Variants in USP6NL observed in about 807,000 individuals in gnomAD.
USP6NL encodes USP6 N-terminal like, also known as USP6 N-terminal-like protein.
In USP6NL, 26 loss-of-function variants were observed where a neutral mutation model predicts 61.9. The ratio of observed to expected loss-of-function variants is 0.42; its 90% CI spans 0.31 to 0.58. The LOEUF is 0.58. Ranked by LOEUF, USP6NL falls within the 20% of genes least tolerant of loss-of-function variation. The pLI is 0.16. For missense variants in USP6NL, 1,114 were observed against 1,034.3 expected (o/e 1.08, Z -1.06); for synonymous variants, 432 against 390.1 (o/e 1.11, Z -1.27).
chr10:11,511,683 G>A lies in USP6NL; in HGVS notation c.196-2008C>T, dbSNP rs1422447058. ...TAAAAGCACACTTTTGAATTCTAAT[G>A]CTTATCATATATACAGATTATTTTA... On this transcript the variant is annotated intron_variant, in intron 5 of 14. Coordinates refer to ENST00000609104, the MANE Select transcript of USP6NL (RefSeq NM_014688.5). This position sits in a 1 kb window ranked among gnomAD's most constrained non-coding sequence, Gnocchi z 4.9. 6.6e-6 allele frequency among the ~76,000 whole-genome samples: 1 copy of A among 151,920 alleles called. No homozygotes were observed. The highest frequency in any genetic ancestry group is 1.9e-4 in the East Asian group (1 of 5,198).
Position 11,513,531 on chromosome 10 carries a change from A to G in USP6NL, c.196-3856T>C, listed in dbSNP as rs895167055. ...AAGTTGAGAGAATAGTATGTCACAT[A>G]CTTATAAATGCTTCATGAGACCCAC... On this transcript the variant is annotated intron_variant, in intron 5 of 14. Transcript: ENST00000609104. The surrounding 1 kb of genome is among the most constrained non-coding windows in gnomAD (Gnocchi z 4.7). Among the ~76,000 whole-genome samples the G allele has an allele frequency of 1.3e-5, 2 of 152,242 alleles. No individual in the cohort carries two copies. The highest frequency in any genetic ancestry group is 6.5e-5 in the Admixed American group (1 of 15,282).
chr10:11,519,089 T>C (rs1835093452), intron 4 of USP6NL, among the ~76,000 whole-genome samples: 2 of 148,682 alleles, frequency 1.3e-5, no homozygotes, highest in South Asian at 4.2e-4. Flanking sequence ...GATGTTGTAG[T>C]ACAAAAGCAA....
rs556013016 is a variant in USP6NL at position 11,518,661 on chromosome 10, A to G, written c.156-87T>C. The G allele has an allele frequency of 2.0e-6, 2 of 983,948 alleles. No homozygotes were observed. The highest frequency in any genetic ancestry group is 3.1e-6 in the Non-Finnish European group (2 of 640,422). The allele number at this position is 983,948 out of a possible 1,614,324, so 61.0% of individuals were successfully genotyped here. On this transcript the variant is annotated intron_variant, in intron 4 of 14. Transcript: ENST00000609104. The surrounding 1 kb of genome is among the most constrained non-coding windows in gnomAD (Gnocchi z 5.3). ...ATATACTTATAGATACATATGACAT[A>G]CAATATTTATTTGTCATCACAAGAG... is the stretch of plus-strand genomic sequence containing the variant.
At chr10:11,529,846 G>A (rs12244001) in intron 2 of USP6NL, among the ~76,000 whole-genome samples, 7 of 152,106 alleles carry the variant, frequency 4.6e-5, no homozygotes, top group Non-Finnish European at 7.4e-5. Context: ...GCTGGGTGTG[G>A]TGGCTCACTC....
chr10:11,498,308 C>T (rs1223613670), intron 7 of USP6NL, among the ~76,000 whole-genome samples: 2 of 144,374 alleles, frequency 1.4e-5, no homozygotes, highest in Non-Finnish European at 3.0e-5. Context: ...CTGAGCCACA[C>T]TAAGGCTGTG....
At position 11,518,873 on chromosome 10, in the gene USP6NL, C is replaced by A. The variant is rs1360578332; in HGVS notation, c.156-299G>T. ...AACACTGAGTTAGTCTCACTAGGCACAGTTCAAGTGCATGAATGTCACGTA... is the reference window on the plus strand; with the variant it reads ...AACACTGAGTTAGTCTCACTAGGCAAAGTTCAAGTGCATGAATGTCACGTA... On this transcript the variant is annotated intron_variant, in intron 4 of 14. Transcript: ENST00000609104. The surrounding 1 kb of genome is among the most constrained non-coding windows in gnomAD (Gnocchi z 5.3). Among the ~76,000 whole-genome samples, 2 of 152,176 alleles carry A rather than the reference C, an allele frequency of 1.3e-5. No homozygotes were observed. The highest frequency in any genetic ancestry group is 2.9e-5 in the Non-Finnish European group (2 of 68,030).
Position 11,562,704 on chromosome 10 carries a change from A to G in USP6NL, c.4+34927T>C. ...TGTATTTCTGTAACTTGTCTATTTT[A>G]TCTGCCAAATTTTCACTTGTTTCTT... On this transcript the variant is annotated intron_variant, in intron 2 of 14. Transcript: ENST00000609104. The surrounding 1 kb of genome is among the most constrained non-coding windows in gnomAD (Gnocchi z 4.8). The G allele has an allele frequency of 1.0e-6, 1 of 985,456 alleles. No homozygotes were observed. Among genetic ancestry groups the G allele is most frequent in the Non-Finnish European group, 1.2e-6 (1 of 829,928 alleles). 61.0% of individuals were successfully genotyped at this position (985,456 alleles called of 1,614,324 possible).
At position 11,562,476 on chromosome 10, in the gene USP6NL, T is replaced by C; in HGVS notation, c.5-34909A>G. The C allele has an allele frequency of 1.0e-6, 1 of 985,352 alleles. No individual in the cohort carries two copies. The highest frequency in any genetic ancestry group is 1.2e-6 in the Non-Finnish European group (1 of 829,922). 61.0% of individuals were successfully genotyped at this position (985,352 alleles called of 1,614,324 possible). On this transcript the variant is annotated intron_variant, in intron 2 of 14. Coordinates refer to ENST00000609104, the MANE Select transcript of USP6NL (RefSeq NM_014688.5). The surrounding 1 kb of genome is among the most constrained non-coding windows in gnomAD (Gnocchi z 4.8). ...CATCACGTATCTCTGAGGACAAGGATTAAGTGTGGCTGAGGAGAAACGTGA... is the reference window on the plus strand; with the variant it reads ...CATCACGTATCTCTGAGGACAAGGACTAAGTGTGGCTGAGGAGAAACGTGA...
chr10:11,568,996 T>C (rs1463819299), intron 2 of USP6NL, among the ~76,000 whole-genome samples: 1 of 152,214 alleles, frequency 6.6e-6, no homozygotes, highest in Non-Finnish European at 1.5e-5. Context: ...CAATGAACAC[T>C]GTCTGTCACA....
chr10:11,563,946 G>C (rs904206116), intron 2 of USP6NL: 4 of 152,074 alleles, frequency 2.6e-5, no homozygotes, highest in African/African-American at 7.3e-5. Flanking sequence ...GAAAGATAAG[G>C]GCTTTCTCAC....
chr10:11,590,480 T>C (rs1838127357), intron 2 of USP6NL, among the ~76,000 whole-genome samples: 1 of 152,216 alleles, frequency 6.6e-6, no homozygotes, highest in African/African-American at 2.4e-5. Flanking sequence ...ATGTGGAATT[T>C]TATTCAGACC....
rs969756644 is a variant in USP6NL, at chr10:11,470,960, C to A, written c.1079-7111G>T. ...CAGCACTTTGGGAGGCCGAGGTGGGCGGATCACGAGGTCAGGAGATGGAGA... is the reference window on the plus strand; with the variant it reads ...CAGCACTTTGGGAGGCCGAGGTGGGAGGATCACGAGGTCAGGAGATGGAGA... On this transcript the variant is annotated intron_variant, in intron 14 of 14. Coordinates refer to ENST00000609104, the MANE Select transcript of USP6NL (RefSeq NM_014688.5). This position sits in a 1 kb window ranked among gnomAD's most constrained non-coding sequence, Gnocchi z 5.4. Among the ~76,000 whole-genome samples the A allele has an allele frequency of 2.0e-5, 3 of 152,040 alleles. No homozygotes were observed. Among genetic ancestry groups the A allele is most frequent in the Non-Finnish European group, 4.4e-5 (3 of 67,982 alleles).
At chr10:11,605,735 G>A (rs748703934) in intron 1 of USP6NL, among the ~76,000 whole-genome samples, 1 of 152,014 alleles carries the variant, frequency 6.6e-6, no homozygotes, top group African/African-American at 2.4e-5. Context: ...AAAACCCAGG[G>A]AATACAGATT....
chr10:11,579,960 T>TGCGGGGG (rs1555173666), intron 2 of USP6NL, among the ~76,000 whole-genome samples: 10 of 98,104 alleles, frequency 1.0e-4, no homozygotes, highest in African/African-American at 3.0e-4. Flanking sequence ...CAGTGGAGAG[T>TGCGGGGG]GGCGGGGGGG....
chr10:11,580,539 G>A (rs1251535760), intron 2 of USP6NL, among the ~76,000 whole-genome samples: 1 of 152,030 alleles, frequency 6.6e-6, no homozygotes, highest in South Asian at 2.1e-4. Context: ...AATACTAGAC[G>A]GCATTAAAAA....
At chr10:11,538,386 T>C (rs953868307) in intron 2 of USP6NL, among the ~76,000 whole-genome samples, 20 of 152,330 alleles carry the variant, frequency 1.3e-4, no homozygotes, top group South Asian at 4.1e-4. Flanking sequence ...CTGTAATTCT[T>C]TACTGAATAT....
chr10:11,533,740 T>G (rs779062854), intron 2 of USP6NL, among the ~76,000 whole-genome samples: 2 of 152,236 alleles, frequency 1.3e-5, no homozygotes, highest in African/African-American at 2.4e-5. Context: ...ACATCTGTGT[T>G]GTTTAAGCCA....
rs1358749878 is a variant in USP6NL at position 11,525,656 on chromosome 10, A to G, written c.73-188T>C. 6.6e-6 allele frequency among the ~76,000 whole-genome samples: 1 copy of G among 152,140 alleles called. No homozygotes were observed. Among genetic ancestry groups the G allele is most frequent in the Non-Finnish European group, 1.5e-5 (1 of 68,028 alleles). On this transcript the variant is annotated intron_variant, in intron 3 of 14. Coordinates refer to ENST00000609104, the MANE Select transcript of USP6NL (RefSeq NM_014688.5). The surrounding 1 kb of genome is among the most constrained non-coding windows in gnomAD (Gnocchi z 5.0). ...CCCAACTATTTTTGGCAAGATAAAC[A>G]CTATTTCCTAGTTATGACTCTGGAA...
chr10:11,465,017 T>A lies in USP6NL; in HGVS notation c.1079-1168A>T, dbSNP rs3781054. Among the ~76,000 whole-genome samples the A allele has an allele frequency of 0.11, 16,427 of 152,206 alleles. 1,387 individuals carry two copies. Among genetic ancestry groups the A allele is most frequent in the East Asian group, 0.43 (2,210 of 5,168 alleles). ...AAACCTATCCAGATTCCTCCAAAAG[T>A]TTTTTTCTATCAGCTCTACAAATAG... On this transcript the variant is annotated intron_variant, in intron 14 of 14. Coordinates refer to ENST00000609104, the MANE Select transcript of USP6NL (RefSeq NM_014688.5). This position sits in a 1 kb window ranked among gnomAD's most constrained non-coding sequence, Gnocchi z 4.5.
Sources: allele counts gnomAD v4.1 joint callset (sites outside exome capture counted in the v4.1 genomes callset), GRCh38; gene constraint gnomAD v4.1.1; non-coding constraint Gnocchi (gnomAD v3.1); transcripts MANE v1.5; gene names NCBI Gene and HGNC (gene_info 2026-07-23, HGNC 2026-07-21).